Variants in CAMTA2 observed in about 807,000 individuals in gnomAD.
CAMTA2 encodes the protein calmodulin-binding transcription activator 2.
In CAMTA2, 56 loss-of-function variants were observed where a neutral mutation model predicts 135.7. The observed-to-expected ratio is 0.41, with a 90% CI of 0.33 to 0.52. CAMTA2 has a LOEUF of 0.52. CAMTA2 is among the 20% of genes least tolerant of loss of function. CAMTA2 has a pLI of 0.16. For missense variants in CAMTA2, 1,358 were observed against 1,553.4 expected, an observed-to-expected ratio of 0.87 and a Z score of 2.11; for synonymous variants, 591 against 604.6, an observed-to-expected ratio of 0.98 and a Z score of 0.33.
At chr17:4,970,142 C>A (rs1047236116) in intron 17 of CAMTA2, 57 bp from the exon 18 acceptor site, 1 of 1,528,856 alleles carries the variant, frequency 6.5e-7, no homozygotes, top group Admixed American at 1.7e-5. Context: ...TCCTCTGCCA[C>A]CTATGGATGG....
At chr17:4,986,837 G>C (rs1973361478) in intron 1 of CAMTA2, 1 of 803,272 alleles carries the variant, frequency 1.2e-6, no homozygotes, top group Admixed American at 2.2e-5. Flanking sequence ...ATAGAATCTG[G>C]GCCAGACACC....
chr17:4,987,194 C>T lies in CAMTA2; in HGVS notation c.-65+399G>A, dbSNP rs555242875. ...TGCGGAGCGGGAGCGGGTCCTTGGG[C>T]TGCACTTGGGCGGCGCCGGATCGGA... On this transcript the variant is annotated intron_variant, in intron 1 of 22. Coordinates refer to ENST00000348066, the MANE Select transcript of CAMTA2 (RefSeq NM_015099.4). 2.2e-6 allele frequency: 3 copies of T among 1,340,492 alleles called. No homozygotes were observed. The South Asian group carries it at 6.0e-5, about 27-fold the overall frequency. The allele number at this position is 1,340,492 out of a possible 1,614,324, so 83.0% of individuals were successfully genotyped here.
chr17:4,985,181 C>T (rs1038298420), intron 3 of CAMTA2, among the ~76,000 whole-genome samples: 2 of 151,920 alleles, frequency 1.3e-5, no homozygotes, highest in Non-Finnish European at 2.9e-5. Context: ...AGCGAGACTC[C>T]GTCTCAAAAA....
At chr17:4,981,511 G>C in intron 7 of CAMTA2, 152 bp from the exon 8 acceptor site, 1 of 1,303,330 alleles carries the variant, frequency 7.7e-7, no homozygotes, top group Non-Finnish European at 1.1e-6. Context: ...TGTTGCTTTA[G>C]TCCTTTCTCC....
rs773907502 is a variant in CAMTA2, at chr17:4,982,209, C to T, written c.340-49G>A. 4.3e-6 allele frequency: 5 copies of T among 1,162,694 alleles called. No individual in the cohort carries two copies. The African/African-American group carries it at 7.6e-5, about 18-fold the overall frequency. 72.0% of individuals were successfully genotyped at this position (1,162,694 alleles called of 1,614,324 possible). ...GGGGGAGGGCTAGTCTGCTCCCCAA[C>T]TCTTCCTCTGTTCAGTCCCTTTGCA... On this transcript the variant is annotated intron_variant, in intron 5 of 22. Transcript: ENST00000348066.
chr17:4,973,675 G>A lies in CAMTA2; in HGVS notation c.2111C>T (p.Ala704Val), dbSNP rs1365195189. ...RSTWKGPERL[A>V]HGSPFRGMSL... ...CATGCCCCGGAAGGGGCTTCCATGG[G>A]CCAGACGTTCAGGACCCTTCCAGGT... The change falls in exon 13 of 23, where the codon GCC (alanine) becomes GTC (valine). Residue 704 changes from alanine to valine, a missense_variant. Ala to Val is a moderately conservative substitution (Grantham distance 64). Around this residue, in one of 4 missense-constraint regions of CAMTA2, gnomAD observed 1,077 missense variants for 1,127.5 expected, o/e 0.96. Transcript: ENST00000348066. 6.2e-6 allele frequency: 10 copies of A among 1,614,136 alleles called. No homozygotes were observed. Among genetic ancestry groups the A allele is most frequent in the Admixed American group, 5.0e-5 (3 of 60,012 alleles).
intron 3 of CAMTA2, among the ~76,000 whole-genome samples, chr17:4,985,228 AAATCAGT>A (rs1973198605): frequency 6.6e-6 from 1 of 152,242 alleles, no homozygotes; most frequent in Admixed American, 6.5e-5. Flanking sequence ...ACTATGAGGT[AAATCAGT>A]TTCCTCATCA....
At chr17:4,981,998 G>C in intron 6 of CAMTA2, 91 bp downstream of exon 6, 1 of 1,307,192 alleles carries the variant, frequency 7.6e-7, no homozygotes, top group South Asian at 1.2e-5. Flanking sequence ...TCCTCACTCA[G>C]AACTCAGCCA....
chr17:4,980,754 G>A lies in CAMTA2; in HGVS notation c.701-133C>T. The A allele has an allele frequency of 1.5e-6, 1 of 687,234 alleles. No individual in the cohort carries two copies. Among genetic ancestry groups the A allele is most frequent in the Non-Finnish European group, 2.6e-6 (1 of 389,798 alleles). 42.6% of individuals were successfully genotyped at this position (687,234 alleles called of 1,614,324 possible). ...GGTGTAATACTGATTGTAGCCACTG[G>A]GAGGCATCAGAAATGTCTGTTCTCT... On this transcript the variant is annotated intron_variant, in intron 8 of 22. Coordinates refer to ENST00000348066, the MANE Select transcript of CAMTA2 (RefSeq NM_015099.4). This position sits in a 1 kb window ranked among gnomAD's most constrained non-coding sequence, Gnocchi z 5.3.
rs539393503 is a variant in CAMTA2 at position 4,973,785 on chromosome 17, T to A, written c.2017-16A>T. On this transcript the variant is annotated splice_polypyrimidine_tract_variant and intron_variant, in intron 12 of 22. Transcript: ENST00000348066. ...GGCCTTCATCCTGCGATATACACAC[T>A]CTTAGGCAGAGACCCAGGTATCTAC... The A allele has an allele frequency of 4.5e-6, 7 of 1,569,650 alleles. No homozygotes were observed. The highest frequency in any genetic ancestry group is 1.8e-5 in the Admixed American group (1 of 54,568).
At chr17:4,971,691 C>CTTTTTTTTTT (rs748274165) in intron 16 of CAMTA2, among the ~76,000 whole-genome samples, 3 of 131,894 alleles carry the variant, frequency 2.3e-5, no homozygotes, top group Non-Finnish European at 3.2e-5. Context: ...ACTATTTTGT[C>CTTTTTTTTTT]TTTTTTTTTT....
chr17:4,968,317 G>A lies in CAMTA2; in HGVS notation c.*439C>T. On this transcript the variant is annotated 3_prime_UTR_variant, in exon 23 of 23. Transcript: ENST00000348066. ...AGAGGGAGGAAACAGACGCAAACAT[G>A]CGGAGTCGGGTGGGGACACGGTCAG... 3.7e-6 allele frequency: 1 copy of A among 271,772 alleles called. No individual in the cohort carries two copies. The highest frequency in any genetic ancestry group is 7.1e-6 in the Non-Finnish European group (1 of 140,008). The allele number at this position is 271,772 out of a possible 1,614,324, so 16.8% of individuals were successfully genotyped here.
intron 6 of CAMTA2, 42 bp downstream of exon 6, chr17:4,982,047 G>A (rs779043907): frequency 7.5e-6 from 11 of 1,474,900 alleles, no homozygotes; most frequent in African/African-American, 6.9e-5. Flanking sequence ...GTCCCTCAAA[G>A]AGTCAGGAAG....
At chr17:4,971,757 C>T (rs1484321884) in intron 16 of CAMTA2, among the ~76,000 whole-genome samples, 2 of 144,742 alleles carry the variant, frequency 1.4e-5, no homozygotes, top group Admixed American at 7.2e-5. Flanking sequence ...GGTGCAGTCT[C>T]GGCTCACTGC....
chr17:4,971,314 G>A lies in CAMTA2; in HGVS notation c.2809-778C>T, dbSNP rs373597351. ...GAACCTTGTCCCTACATAGATCAAC[G>A]GTTAACTCCTACAAACCAGCTCTAA... On this transcript the variant is annotated intron_variant, in intron 16 of 22. Transcript: ENST00000348066. 1.9e-4 allele frequency among the ~76,000 whole-genome samples: 29 copies of A among 152,200 alleles called. No individual in the cohort carries two copies. The East Asian group carries it at 1.9e-3, about 10-fold the overall frequency.
intron 1 of CAMTA2, chr17:4,987,056 TGGAGATGGGAGGAG>T (rs922063585): frequency 2.3e-5 from 32 of 1,407,048 alleles, no homozygotes; most frequent in Non-Finnish European, 2.9e-5. Flanking sequence ...GTGTCCAGGA[TGGAGATGGGAGGAG>T]GCCCGTCGGG....
intron 16 of CAMTA2, among the ~76,000 whole-genome samples, chr17:4,970,860 T>TGCCA (rs1254390995): frequency 6.6e-6 from 1 of 152,200 alleles, no homozygotes; most frequent in Non-Finnish European, 1.5e-5. Context: ...GACCAGCACA[T>TGCCA]GCTCCCCATA....
At chr17:4,986,642 C>T (rs1597788757) in intron 1 of CAMTA2, 13 of 528,528 alleles carry the variant, frequency 2.5e-5, no homozygotes, top group South Asian at 1.9e-4. Context: ...CCATCCGGTC[C>T]TTGGAGGATG....
In CAMTA2 at chr17:4,986,257, C is replaced by T. The variant is rs1259412562; in HGVS notation, c.-35G>A. 1 of 1,559,742 alleles carries T rather than the reference C, an allele frequency of 6.4e-7. No individual in the cohort carries two copies. The highest frequency in any genetic ancestry group is 1.1e-5 in the South Asian group (1 of 87,332). The stretch of plus-strand genomic sequence containing the variant: ...TCCAGGGGGCAAGGTCACCCCCGGC[C>T]TGAGGGGCCGGGGGGAGGGGGAGTC... On this transcript the variant is annotated 5_prime_UTR_variant, in exon 2 of 23. Transcript: ENST00000348066.
Sources: allele counts gnomAD v4.1 joint callset (sites outside exome capture counted in the v4.1 genomes callset), GRCh38; gene constraint gnomAD v4.1.1; regional missense constraint gnomAD v4.1.1; non-coding constraint Gnocchi (gnomAD v3.1); transcripts MANE v1.5; gene names NCBI Gene and HGNC (gene_info 2026-07-23, HGNC 2026-07-21).